WDR41: variants seen among roughly 807,000 people sequenced by gnomAD.
The protein encoded by WDR41 is WD repeat domain 41.
Under a neutral mutation model 69.3 loss-of-function variants are expected in WDR41, and 63 were observed. The observed-to-expected ratio is 0.91, with a 90% CI of 0.74 to 1.12. The LOEUF is 1.12. WDR41 is among the 50% of genes most tolerant of loss of function. The probability of loss-of-function intolerance (pLI) is 0.00; values close to 1 mark genes in which losing one functional copy is unlikely to be tolerated. For missense variants in WDR41, 543 were observed against 534.5 expected (o/e 1.02, Z -0.16); for synonymous variants, 185 against 192.1 (o/e 0.96, Z 0.31).
At chr5:77,454,880 TGTG>T in intron 5 of WDR41, among the ~76,000 whole-genome samples, 1 of 152,376 alleles carries the variant, frequency 6.6e-6, no homozygotes, top group South Asian at 2.1e-4. Context: ...TATTCCACTG[TGTG>T]GATATACATT....
chr5:77,475,807 CA>C (rs1317561542), intron 2 of WDR41, among the ~76,000 whole-genome samples: 1 of 152,140 alleles, frequency 6.6e-6, no homozygotes. Flanking sequence ...AGCAACGGAA[CA>C]AAGCTGGATG....
At chr5:77,538,709 A>T (rs1428789995) in intron 1 of WDR41, among the ~76,000 whole-genome samples, 1 of 152,218 alleles carries the variant, frequency 6.6e-6, no homozygotes, top group Non-Finnish European at 1.5e-5. Flanking sequence ...TTGAAGTCAG[A>T]TGGGAAGGCT....
At chr5:77,601,571 A>AC (rs1744324306) in intron 1 of WDR41, among the ~76,000 whole-genome samples, 1 of 152,158 alleles carries the variant, frequency 6.6e-6, no homozygotes, top group African/African-American at 2.4e-5. Flanking sequence ...ATTGTAGAAA[A>AC]CCTTCACTAC....
chr5:77,448,175 G>A (rs534050118), intron 8 of WDR41, among the ~76,000 whole-genome samples: 38 of 152,166 alleles, frequency 2.5e-4, no homozygotes, highest in African/African-American at 7.7e-4. Context: ...AAGCATGACC[G>A]GTGTAATGGG....
intron 1 of WDR41, among the ~76,000 whole-genome samples, chr5:77,594,084 G>A (rs1215345922): frequency 6.6e-6 from 1 of 151,968 alleles, no homozygotes; most frequent in African/African-American, 2.4e-5. Flanking sequence ...TCAAGTCATT[G>A]AAAATAAATG....
chr5:77,543,575 T>C (rs1157433261), intron 1 of WDR41, among the ~76,000 whole-genome samples: 1 of 151,924 alleles, frequency 6.6e-6, no homozygotes, highest in African/African-American at 2.4e-5. Context: ...AAAGACAAGG[T>C]CTTTGAATTA....
chr5:77,588,037 A>G (rs1270304412), intron 1 of WDR41, among the ~76,000 whole-genome samples: 1 of 152,162 alleles, frequency 6.6e-6, no homozygotes, highest in African/African-American at 2.4e-5. Context: ...GCCCTAATGA[A>G]CTAATATAGT....
At chr5:77,470,493 A>G (rs555814281) in intron 2 of WDR41, among the ~76,000 whole-genome samples, 14 of 152,310 alleles carry the variant, frequency 9.2e-5, no homozygotes, top group Admixed American at 6.5e-5. Flanking sequence ...CAAATTGGAT[A>G]AAGAGTCAAG....
chr5:77,450,544 C>T (rs748347535), intron 7 of WDR41, among the ~76,000 whole-genome samples: 1 of 152,140 alleles, frequency 6.6e-6, no homozygotes, highest in African/African-American at 2.4e-5. Flanking sequence ...AATCCACAGA[C>T]GTGATTCTAT....
chr5:77,600,841 C>G (rs1428283591), intron 1 of WDR41, among the ~76,000 whole-genome samples: 1 of 151,884 alleles, frequency 6.6e-6, no homozygotes, highest in Non-Finnish European at 1.5e-5. Context: ...GATAACGCCA[C>G]TGCACTCCAG....
chr5:77,600,603 C>T (rs760056909), intron 1 of WDR41, among the ~76,000 whole-genome samples: 2 of 152,016 alleles, frequency 1.3e-5, no homozygotes, highest in Non-Finnish European at 1.5e-5. Context: ...TAGTTGAGGC[C>T]GGGCACAGTG....
intron 1 of WDR41, among the ~76,000 whole-genome samples, chr5:77,560,239 T>C (rs1743499154): frequency 6.6e-6 from 1 of 152,198 alleles, no homozygotes. Flanking sequence ...GAGTCTCTTA[T>C]ACCATAAGCA....
chr5:77,520,647 ATCCACCC>A lies in WDR41; in HGVS notation c.43-31082_43-31076del, dbSNP rs1294395191. Among the ~76,000 whole-genome samples, 4 of 152,268 alleles carry A rather than the reference ATCCACCC, an allele frequency of 2.6e-5. No individual in the cohort carries two copies. In the East Asian group the frequency reaches 7.7e-4, roughly 29 times the overall value. ...CCTGCAAACTCCTCCTCAGCTGCTC[ATCCACCC>A]TGAAAATGAACTTCCTTTCAGATCT... On this transcript the variant is annotated intron_variant, in intron 1 of 5. Transcript: ENST00000509971.
intron 1 of WDR41, among the ~76,000 whole-genome samples, chr5:77,542,277 G>A (rs1391834382): frequency 6.6e-6 from 1 of 152,118 alleles, no homozygotes; most frequent in Non-Finnish European, 1.5e-5. Context: ...CTACTGGAGG[G>A]TAAAGGGTGG....
chr5:77,613,063 A>G (rs1188995980), intron 1 of WDR41, among the ~76,000 whole-genome samples: 1 of 150,502 alleles, frequency 6.6e-6, no homozygotes, highest in African/African-American at 2.4e-5. Flanking sequence ...AAGAGAATAA[A>G]ATACCTAGGA....
intron 1 of WDR41, among the ~76,000 whole-genome samples, chr5:77,489,818 C>T (rs1460220862): frequency 1.3e-5 from 2 of 152,118 alleles, no homozygotes; most frequent in African/African-American, 4.8e-5. Flanking sequence ...ATTTTCAAAT[C>T]ACAATAAATT....
chr5:77,480,315 C>T, intron 2 of WDR41: 1 of 151,844 alleles, frequency 6.6e-6, no homozygotes, highest in Admixed American at 6.6e-5. Context: ...CCAGCCATCC[C>T]ATTACTGGGT....
chr5:77,610,514 G>T (rs1338252591), intron 1 of WDR41, among the ~76,000 whole-genome samples: 2 of 152,002 alleles, frequency 1.3e-5, no homozygotes, highest in African/African-American at 2.4e-5. Context: ...CATTCTTAAA[G>T]AAAAGAATTT....
At chr5:77,441,028 G>A (rs779337740) in intron 8 of WDR41, 31 bp from the exon 9 acceptor site, 10 of 1,605,354 alleles carry the variant, frequency 6.2e-6, no homozygotes, top group Admixed American at 5.1e-5. Flanking sequence ...CCTCATTATC[G>A]ATCATTTTAT....
Sources: allele counts gnomAD v4.1 joint callset (sites outside exome capture counted in the v4.1 genomes callset), GRCh38; gene constraint gnomAD v4.1.1; transcripts MANE v1.5; gene names NCBI Gene and HGNC (gene_info 2026-07-23, HGNC 2026-07-21).